HTR4: variants seen among roughly 807,000 people sequenced by gnomAD.
HTR4 encodes 5-hydroxytryptamine receptor 4.
HTR4 carries 16 observed loss-of-function variants against 36.8 expected under a neutral mutation model. The ratio of observed to expected loss-of-function variants is 0.43; its 90% CI spans 0.29 to 0.66. The LOEUF (loss-of-function observed/expected upper bound fraction) is 0.66. Among genes scored for constraint, HTR4 ranks in the 30% least tolerant of loss-of-function variants. The probability of loss-of-function intolerance (pLI) is 0.13; values close to 1 mark genes in which losing one functional copy is unlikely to be tolerated. For synonymous variants in HTR4, 189 were observed against 185.1 expected, an observed-to-expected ratio of 1.02 and a Z score of -0.17; for missense variants, 438 against 490.9, an observed-to-expected ratio of 0.89 and a Z score of 1.02.
intron 1 of HTR4, among the ~76,000 whole-genome samples, chr5:148,652,196 C>T (rs778036502): frequency 7.2e-5 from 11 of 151,896 alleles, no homozygotes; most frequent in Non-Finnish European, 1.2e-4. Context: ...TACCTGATAA[C>T]GTGGTAGCAG....
At chr5:148,583,180 C>A (rs1413688252) in intron 2 of HTR4, among the ~76,000 whole-genome samples, 1 of 150,866 alleles carries the variant, frequency 6.6e-6, no homozygotes, top group East Asian at 2.0e-4. Context: ...TTTTCTGCAT[C>A]TGTTGAGATA....
At chr5:148,485,304 C>A (rs939534033) in intron 6 of HTR4, among the ~76,000 whole-genome samples, 2 of 152,192 alleles carry the variant, frequency 1.3e-5, no homozygotes, top group Non-Finnish European at 2.9e-5. Flanking sequence ...CAAGTATACA[C>A]AGTTAATAAA....
At chr5:148,547,268 A>G (rs1056872296) in intron 4 of HTR4, among the ~76,000 whole-genome samples, 1 of 152,142 alleles carries the variant, frequency 6.6e-6, no homozygotes, top group Non-Finnish European at 1.5e-5. Flanking sequence ...TATGTTAGAT[A>G]TACCACAATC....
chr5:148,457,928 T>A (rs1279807362), intron 5 of HTR4, among the ~76,000 whole-genome samples: 3 of 130,910 alleles, frequency 2.3e-5, no homozygotes, highest in Non-Finnish European at 3.3e-5. Flanking sequence ...ATCATTAAAA[T>A]ATATTATATT....
At chr5:148,509,342 T>G in intron 6 of HTR4, 114 bp downstream of exon 6, 1 of 740,956 alleles carries the variant, frequency 1.3e-6, no homozygotes, top group Non-Finnish European at 2.2e-6. Flanking sequence ...TTATAATCTT[T>G]GCAAACTCTA....
At chr5:148,452,100 A>C (rs1754986546) in intron 5 of HTR4, among the ~76,000 whole-genome samples, 1 of 152,218 alleles carries the variant, frequency 6.6e-6, no homozygotes, top group Non-Finnish European at 1.5e-5. Context: ...GTAGTTTCTC[A>C]TGACTTACAT....
intron 6 of HTR4, among the ~76,000 whole-genome samples, chr5:148,492,204 G>T (rs535945539): frequency 6.6e-6 from 1 of 152,298 alleles, no homozygotes; most frequent in Non-Finnish European, 1.5e-5. Context: ...TGCACCTACG[G>T]AGCAAAAGGG....
intron 2 of HTR4, among the ~76,000 whole-genome samples, chr5:148,626,353 C>G (rs1012542986): frequency 1.3e-5 from 2 of 152,188 alleles, no homozygotes; most frequent in Non-Finnish European, 2.9e-5. Context: ...TTAGTTGAAA[C>G]TCTTAATTAT....
chr5:148,619,865 T>A (rs1357895270), intron 2 of HTR4, among the ~76,000 whole-genome samples: 4 of 151,992 alleles, frequency 2.6e-5, no homozygotes, highest in Non-Finnish European at 5.9e-5. Context: ...AAAGAAGGAA[T>A]TTGGAAAATA....
At chr5:148,515,105 C>T (rs1046139240) in intron 5 of HTR4, among the ~76,000 whole-genome samples, 1 of 151,938 alleles carries the variant, frequency 6.6e-6, no homozygotes, top group Non-Finnish European at 1.5e-5. Context: ...TTCCTTGTTT[C>T]CATATTTATT....
intron 2 of HTR4, among the ~76,000 whole-genome samples, chr5:148,601,718 TG>T (rs994102722): frequency 6.6e-6 from 1 of 152,086 alleles, no homozygotes; most frequent in Non-Finnish European, 1.5e-5. Flanking sequence ...GGAGGATCAT[TG>T]GAGCTTGGAA....
intron 6 of HTR4, among the ~76,000 whole-genome samples, chr5:148,503,673 C>T (rs190908684): frequency 3.5e-4 from 54 of 152,224 alleles, no homozygotes; most frequent in African/African-American, 9.6e-4. Flanking sequence ...CGGCTAAATG[C>T]GCCAATTAAA....
chr5:148,586,082 T>C (rs1228495855), intron 2 of HTR4, among the ~76,000 whole-genome samples: 1 of 152,156 alleles, frequency 6.6e-6, no homozygotes, highest in Non-Finnish European at 1.5e-5. Context: ...CTCATATATA[T>C]AACCAGCTGA....
rs913306162 is a variant in HTR4 at position 148,551,719 on chromosome 5, T to C, written c.27-1457A>G. Reference sequence around the variant, plus strand: ...GAATTGTCGTGGGTCACACATAACATACACTAACACTAACAATGGCTGATG... The same window carrying C: ...GAATTGTCGTGGGTCACACATAACACACACTAACACTAACAATGGCTGATG... On this transcript the variant is annotated intron_variant, in intron 2 of 6. Coordinates refer to ENST00000377888, the MANE Select transcript of HTR4 (RefSeq NM_000870.7). Among the ~76,000 whole-genome samples the C allele has an allele frequency of 2.6e-5, 4 of 152,134 alleles. No homozygotes were observed. The East Asian group carries it at 5.8e-4, about 22-fold the overall frequency.
intron 4 of HTR4, among the ~76,000 whole-genome samples, chr5:148,542,433 G>A (rs548747024): frequency 6.1e-4 from 93 of 152,292 alleles, no homozygotes; most frequent in Non-Finnish European, 4.0e-4. Context: ...GATTAAACAT[G>A]CAACCTTGAA....
intron 2 of HTR4, among the ~76,000 whole-genome samples, chr5:148,616,345 G>A (rs1173589494): frequency 1.3e-5 from 2 of 152,070 alleles, no homozygotes; most frequent in Non-Finnish European, 2.9e-5. Flanking sequence ...GGTAAAAATG[G>A]CCTGTTTCTA....
chr5:148,462,001 T>C (rs1250476247), intron 5 of HTR4: 1 of 151,974 alleles, frequency 6.6e-6, no homozygotes, highest in Non-Finnish European at 1.5e-5. Flanking sequence ...GCAACACACT[T>C]CTAAATAACA....
intron 6 of HTR4, among the ~76,000 whole-genome samples, chr5:148,502,132 C>A (rs1488258036): frequency 1.3e-5 from 2 of 151,936 alleles, no homozygotes; most frequent in Non-Finnish European, 2.9e-5. Flanking sequence ...CCCTGTCTGA[C>A]AACTTTGAAG....
intron 5 of HTR4, among the ~76,000 whole-genome samples, chr5:148,467,399 G>A (rs11954513): frequency 0.079 from 12,009 of 152,076 alleles, 1,613 homozygotes; most frequent in African/African-American, 0.27. Flanking sequence ...CAACCCTTAA[G>A]GAGTTAAATG....
Sources: gnomAD v4.1 joint callset for allele counts (sites outside exome capture counted in the v4.1 genomes callset) on GRCh38, gnomAD v4.1.1 for gene constraint, MANE v1.5 for transcripts, NCBI Gene and HGNC (gene_info 2026-07-23, HGNC 2026-07-21) for gene names.